Variants in PTP4A3 observed in about 807,000 individuals in gnomAD.
PTP4A3 encodes the protein protein tyrosine phosphatase 4A3, also known as protein tyrosine phosphatase type IVA 3.
A neutral mutation model predicts 15.2 loss-of-function variants in PTP4A3; 9 were observed. That is an observed-to-expected ratio of 0.59 (90% CI 0.36 to 1.03). The LOEUF (loss-of-function observed/expected upper bound fraction) is 1.03. Ranked by LOEUF, PTP4A3 falls within the 50% of genes least tolerant of loss-of-function variation. The pLI is 0.02. For missense variants in PTP4A3, 234 were observed against 252.1 expected, an observed-to-expected ratio of 0.93 and a Z score of 0.49; for synonymous variants, 95 against 102.0, an observed-to-expected ratio of 0.93 and a Z score of 0.41.
chr8:141,405,223 CTTGGG>C (rs1212528315), intron 1 of PTP4A3, among the ~76,000 whole-genome samples: 4 of 152,234 alleles, frequency 2.6e-5, no homozygotes, highest in Non-Finnish European at 5.9e-5. Context: ...ACCCAGGTCC[CTTGGG>C]CCTTGCATGC....
chr8:141,420,635 G>A (rs1833286332), intron 1 of PTP4A3, among the ~76,000 whole-genome samples: 1 of 152,224 alleles, frequency 6.6e-6, no homozygotes, highest in Non-Finnish European at 1.5e-5. Context: ...TGGCCCATTG[G>A]CGTGTTCTGT....
chr8:141,415,219 C>T (rs1832992109), intron 1 of PTP4A3, among the ~76,000 whole-genome samples: 1 of 152,024 alleles, frequency 6.6e-6, no homozygotes, highest in African/African-American at 2.4e-5. Flanking sequence ...AGGCTCCCTC[C>T]AGCGCGGCAA....
At chr8:141,407,184 A>T (rs1193798026) in intron 1 of PTP4A3, among the ~76,000 whole-genome samples, 1 of 152,230 alleles carries the variant, frequency 6.6e-6, no homozygotes, top group Non-Finnish European at 1.5e-5. Flanking sequence ...GTGTCCCCAC[A>T]GTCCACATGC....
Position 141,400,108 on chromosome 8 carries a change from G to A in PTP4A3, c.-854+8024G>A, listed in dbSNP as rs986770018. On this transcript the variant is annotated intron_variant, in intron 1 of 5. Transcript: ENST00000521578. ...GAGATGGCATTTCACCATGTTAGCC[G>A]GGCTGCTTCTCCTGGACTCAAGTGA... is the stretch of plus-strand genomic sequence containing the variant. Among the ~76,000 whole-genome samples, 10 of 152,244 alleles carry A rather than the reference G, an allele frequency of 6.6e-5. No homozygotes were observed. The South Asian group carries it at 8.3e-4, about 13-fold the overall frequency.
Position 141,422,224 on chromosome 8 carries a change from GC to G in PTP4A3, c.-14del. 1.9e-6 allele frequency: 3 copies of G among 1,612,682 alleles called. No individual in the cohort carries two copies. The highest frequency in any genetic ancestry group is 2.5e-6 in the Non-Finnish European group (3 of 1,179,828). ...TCTGCAGTCCCTTCTGCCCTGCCGGGCCCGTCGGGAGGCGCCATGGCTCGGA... is the reference window on the plus strand; with the variant it reads ...TCTGCAGTCCCTTCTGCCCTGCCGGGCCGTCGGGAGGCGCCATGGCTCGGA... On this transcript the variant is annotated 5_prime_UTR_variant, in exon 2 of 6. Transcript: ENST00000521578.
intron 1 of PTP4A3, among the ~76,000 whole-genome samples, chr8:141,407,516 C>T (rs1178586369): frequency 2.6e-5 from 4 of 151,948 alleles, no homozygotes; most frequent in African/African-American, 4.8e-5. Flanking sequence ...CAGCCAGCAG[C>T]GCGGCCCAGG....
chr8:141,422,044 A>AGCT lies in PTP4A3; in HGVS notation c.-196_-194dup. 1 of 539,746 alleles carries AGCT rather than the reference A, an allele frequency of 1.9e-6. No homozygotes were observed. Among genetic ancestry groups the AGCT allele is most frequent in the Non-Finnish European group, 3.3e-6 (1 of 307,526 alleles). The allele number at this position is 539,746 out of a possible 1,614,324, so 33.4% of individuals were successfully genotyped here. A position where few individuals can be genotyped will look rare whatever the true frequency, so the allele number is the denominator to read the frequency against. On this transcript the variant is annotated 5_prime_UTR_variant, in exon 2 of 6. Transcript: ENST00000521578. Reference sequence around the variant, plus strand: ...TTTTTTAATTATCCAAACAGTGGGCAGCTTCCTCCCCCACACCCAAGTATT... The same window carrying AGCT: ...TTTTTTAATTATCCAAACAGTGGGCAGCTGCTTCCTCCCCCACACCCAAGTATT...
At chr8:141,394,156 T>C (rs1832377160) in intron 1 of PTP4A3, among the ~76,000 whole-genome samples, 1 of 152,022 alleles carries the variant, frequency 6.6e-6, no homozygotes, top group African/African-American at 2.4e-5. Context: ...CAGATGGCGG[T>C]GATACAGCTT....
At chr8:141,420,394 T>G (rs540741068) in intron 1 of PTP4A3, among the ~76,000 whole-genome samples, 40 of 152,288 alleles carry the variant, frequency 2.6e-4, no homozygotes, top group African/African-American at 9.4e-4. Context: ...GGCACCTTGC[T>G]CAAGGCCTCC....
intron 1 of PTP4A3, among the ~76,000 whole-genome samples, chr8:141,393,234 C>A (rs1467620277): frequency 6.6e-5 from 10 of 152,160 alleles, no homozygotes; most frequent in Admixed American, 6.5e-4. Flanking sequence ...TTGGTGCAGC[C>A]CCTAGCCTGC....
chr8:141,403,758 AAC>A (rs1832655940), intron 1 of PTP4A3, among the ~76,000 whole-genome samples: 2 of 152,228 alleles, frequency 1.3e-5, no homozygotes, highest in African/African-American at 4.8e-5. Context: ...GTGGTAACGG[AAC>A]ACACATCTCA....
rs144048289 is a variant in PTP4A3, at chr8:141,422,260, C to A, written c.20C>A (p.Pro7Gln). The change falls in exon 2 of 6, where the codon CCG becomes CAG. Residue 7 changes from proline to glutamine, a missense_variant. Physicochemically the swap from Pro to Gln is moderately conservative, Grantham distance 76. Coordinates refer to ENST00000521578, the MANE Select transcript of PTP4A3 (RefSeq NM_032611.3). MARMNR[P>Q]APVEVSYKHM... ...GGCGCCATGGCTCGGATGAACCGCC[C>A]GGCCCCGGTGGAGGTGAGCTACAAA... The A allele has an allele frequency of 2.5e-6, 4 of 1,613,064 alleles. No individual in the cohort carries two copies. The highest frequency in any genetic ancestry group is 3.4e-6 in the Non-Finnish European group (4 of 1,179,992).
chr8:141,426,692 C>T, intron 3 of PTP4A3: 1 of 983,292 alleles, frequency 1.0e-6, no homozygotes, highest in Non-Finnish European at 1.2e-6. Flanking sequence ...TGGGGTGGTC[C>T]AGGAAGGCTT....
At chr8:141,400,000 C>G (rs974680010) in intron 1 of PTP4A3, among the ~76,000 whole-genome samples, 1 of 152,248 alleles carries the variant, frequency 6.6e-6, no homozygotes, top group African/African-American at 2.4e-5. Flanking sequence ...CTCCGCTTCC[C>G]AGGCACAAGC....
At chr8:141,399,728 C>G (rs759056497) in intron 1 of PTP4A3, among the ~76,000 whole-genome samples, 35 of 152,204 alleles carry the variant, frequency 2.3e-4, no homozygotes, top group Non-Finnish European at 4.4e-4. Context: ...GTGGCATGCC[C>G]TTTACTCTCT....
chr8:141,428,293 C>T (rs1367494636), intron 5 of PTP4A3, among the ~76,000 whole-genome samples: 1 of 151,636 alleles, frequency 6.6e-6, no homozygotes, highest in Non-Finnish European at 1.5e-5. Flanking sequence ...CCAGCTCAGC[C>T]CCTCCCCGCC....
intron 1 of PTP4A3, among the ~76,000 whole-genome samples, chr8:141,401,507 G>A (rs1315133790): frequency 6.6e-6 from 1 of 152,200 alleles, no homozygotes; most frequent in Non-Finnish European, 1.5e-5. Context: ...CTCAGCAGAT[G>A]CTCTGCTGAC....
In PTP4A3 at chr8:141,406,635, C is replaced by A. The variant is rs1832731723; in HGVS notation, c.-854+14551C>A. Among the ~76,000 whole-genome samples the A allele has an allele frequency of 6.6e-6, 1 of 152,190 alleles. No individual in the cohort carries two copies. The highest frequency in any genetic ancestry group is 2.4e-5 in the African/African-American group (1 of 41,452). Reference sequence around the variant, plus strand: ...AAACGGGGCCCAGACTCATTGACATCCTGCGTGAACTACAGTTTTGGTAGA... The same window carrying A: ...AAACGGGGCCCAGACTCATTGACATACTGCGTGAACTACAGTTTTGGTAGA... On this transcript the variant is annotated intron_variant, in intron 1 of 5. Coordinates refer to ENST00000521578, the MANE Select transcript of PTP4A3 (RefSeq NM_032611.3). This position sits in a 1 kb window ranked among gnomAD's most constrained non-coding sequence, Gnocchi z 4.5.
chr8:141,392,795 G>C (rs1832326671), intron 1 of PTP4A3, among the ~76,000 whole-genome samples: 1 of 152,176 alleles, frequency 6.6e-6, no homozygotes, highest in Non-Finnish European at 1.5e-5. Context: ...TCACCCTGCC[G>C]GTTCCCGGAG....
Sources: allele counts gnomAD v4.1 joint callset (sites outside exome capture counted in the v4.1 genomes callset), GRCh38; gene constraint gnomAD v4.1.1; non-coding constraint Gnocchi (gnomAD v3.1); transcripts MANE v1.5; gene names NCBI Gene and HGNC (gene_info 2026-07-23, HGNC 2026-07-21).